The following PEMT variants were observed in gnomAD, a reference collection of about 807,000 sequenced individuals.
The protein encoded by PEMT is phospholipid methyltransferase.
In PEMT, 23 loss-of-function variants were observed where a neutral mutation model predicts 27.4. That is an observed-to-expected ratio of 0.84 (90% CI 0.60 to 1.19). The LOEUF (loss-of-function observed/expected upper bound fraction) is 1.19, where lower values mean the gene tolerates loss of function less well. Ranked by LOEUF, PEMT falls within the 50% of genes most tolerant of loss-of-function variation. PEMT has a pLI of 0.00. For synonymous variants in PEMT, 137 were observed against 139.1 expected (o/e 0.98, Z 0.11); for missense variants, 307 against 310.1 (o/e 0.99, Z 0.07).
intron 1 of PEMT, among the ~76,000 whole-genome samples, chr17:17,591,244 T>A (rs7212727): frequency 0.012 from 1,886 of 151,600 alleles, 50 homozygotes; most frequent in African/African-American, 0.044. Flanking sequence ...AACCTCTGAG[T>A]CTCACACAAT....
At chr17:17,575,308 C>G (rs1191364683) in intron 2 of PEMT, among the ~76,000 whole-genome samples, 2 of 152,222 alleles carry the variant, frequency 1.3e-5, no homozygotes, top group Non-Finnish European at 2.9e-5. Context: ...TTAGGGCCCA[C>G]CTGGGTAACT....
Position 17,510,681 on chromosome 17 carries a change from G to A in PEMT, c.467-1136C>T, listed in dbSNP as rs70965404. Among the ~76,000 whole-genome samples, 1,034 of 152,320 alleles carry A rather than the reference G, an allele frequency of 6.8e-3. 8 individuals carry two copies. The highest frequency in any genetic ancestry group is 0.024 in the African/African-American group (993 of 41,574). Reference sequence around the variant, plus strand: ...CGCTGCTGGTCCTCGGTGTTTCTAGGCCATGTCTGCTGGCAGGGCCGCCAG... The same window carrying A: ...CGCTGCTGGTCCTCGGTGTTTCTAGACCATGTCTGCTGGCAGGGCCGCCAG... On this transcript the variant is annotated intron_variant, in intron 4 of 6. Transcript: ENST00000255389.
intron 6 of PEMT, 86 bp downstream of exon 6, chr17:17,506,141 C>T: frequency 3.3e-6 from 4 of 1,208,910 alleles, no homozygotes; most frequent in Non-Finnish European, 4.7e-6. Context: ...TGTCCTGAGC[C>T]TGCCCTGGCC....
At chr17:17,549,327 C>T (rs1909484056) in intron 2 of PEMT, among the ~76,000 whole-genome samples, 1 of 152,124 alleles carries the variant, frequency 6.6e-6, no homozygotes, top group African/African-American at 2.4e-5. Context: ...GTAGCTGGGA[C>T]TACAGGCACA....
chr17:17,581,098 T>C (rs1911948378), intron 1 of PEMT, among the ~76,000 whole-genome samples: 1 of 152,098 alleles, frequency 6.6e-6, no homozygotes, highest in Admixed American at 6.5e-5. Flanking sequence ...GAAAAACACT[T>C]CCCATATCAC....
At chr17:17,515,413 C>T (rs1489074132) in intron 3 of PEMT, among the ~76,000 whole-genome samples, 4 of 152,202 alleles carry the variant, frequency 2.6e-5, no homozygotes, top group African/African-American at 7.2e-5. Flanking sequence ...CCAGACCTGA[C>T]CCTCAGTCCC....
chr17:17,570,508 A>G (rs1257099315), intron 2 of PEMT: 11 of 985,228 alleles, frequency 1.1e-5, no homozygotes, highest in Non-Finnish European at 1.2e-5. Context: ...AAAGTCAGCA[A>G]CCCTGAGTCA....
chr17:17,521,814 G>A (rs1907286012), intron 3 of PEMT, among the ~76,000 whole-genome samples: 1 of 152,054 alleles, frequency 6.6e-6, no homozygotes, highest in Admixed American at 6.5e-5. Context: ...TGATCCACCC[G>A]CCTCGGCCTC....
chr17:17,539,878 G>C (rs899373479), intron 2 of PEMT, among the ~76,000 whole-genome samples: 4 of 152,230 alleles, frequency 2.6e-5, no homozygotes, highest in African/African-American at 4.8e-5. Flanking sequence ...TCTCTCAGGA[G>C]CGTGGGCAGG....
intron 2 of PEMT, among the ~76,000 whole-genome samples, chr17:17,536,768 T>C (rs546422619): frequency 6.6e-6 from 1 of 152,316 alleles, no homozygotes; most frequent in African/African-American, 2.4e-5. Context: ...GCTCCCTGCA[T>C]CCACTGAAAT....
chr17:17,564,190 G>T (rs929551675), intron 2 of PEMT, among the ~76,000 whole-genome samples: 1 of 152,176 alleles, frequency 6.6e-6, no homozygotes, highest in Admixed American at 6.5e-5. Flanking sequence ...TTGGGCCGTG[G>T]TGGCGGCACT....
intron 2 of PEMT, among the ~76,000 whole-genome samples, chr17:17,543,177 A>C (rs1296108712): frequency 2.0e-5 from 3 of 152,186 alleles, no homozygotes; most frequent in Non-Finnish European, 4.4e-5. Flanking sequence ...GTCGTGTCCT[A>C]CAGAGTCCTG....
chr17:17,591,823 G>C (rs895377874), upstream of PEMT: 1 of 1,403,850 alleles, frequency 7.1e-7, no homozygotes, highest in Non-Finnish European at 9.2e-7. Flanking sequence ...ACAGCGTCTA[G>C]AGGAGCCGAG....
At chr17:17,528,273 G>GC (rs1204628506) in intron 2 of PEMT, among the ~76,000 whole-genome samples, 1 of 152,126 alleles carries the variant, frequency 6.6e-6, no homozygotes, top group Non-Finnish European at 1.5e-5. Context: ...TGCCTGACTG[G>GC]CCCCCTTTCC....
intron 2 of PEMT, among the ~76,000 whole-genome samples, chr17:17,552,072 C>T (rs1336368572): frequency 2.0e-5 from 3 of 152,210 alleles, no homozygotes; most frequent in East Asian, 1.9e-4. Context: ...CACGGTGGTG[C>T]GTGCCTGTAA....
rs999211915 is a variant in PEMT at position 17,512,618 on chromosome 17, C to T, written c.357G>A (p.Glu119=). Reference sequence around the variant, plus strand: ...TGTAGGCCGCGGGGGTGTCCAGGCTCTCCATCCTGGGCTGGCTCAGCATGG... The same window carrying T: ...TGTAGGCCGCGGGGGTGTCCAGGCTTTCCATCCTGGGCTGGCTCAGCATGG... ...TQAMLSQPRM[E]SLDTPAAYSL... is the part of the protein sequence containing the mutation. Residue 119 remains glutamate, a synonymous_variant, in exon 4 of 7, where the codon GAG becomes GAA. Coordinates refer to ENST00000255389, the MANE Select transcript of PEMT (RefSeq NM_148172.3). This position sits in a 1 kb window ranked among gnomAD's most constrained non-coding sequence, Gnocchi z 6.3. 1 of 1,591,850 alleles carries T rather than the reference C, an allele frequency of 6.3e-7. No homozygotes were observed. The highest frequency in any genetic ancestry group is 8.6e-7 in the Non-Finnish European group (1 of 1,167,852).
rs549934854 is a variant in PEMT at position 17,580,518 on chromosome 17, G to A, written c.97-3491C>T. On this transcript the variant is annotated intron_variant, in intron 1 of 6. Coordinates refer to ENST00000255389, the MANE Select transcript of PEMT (RefSeq NM_148172.3). ...CAAAAAACACGCATCCAATTCCAAG[G>A]CCCTGTCCCTTGACAGCCTGGTGGG... Among the ~76,000 whole-genome samples, 220 of 152,228 alleles carry A rather than the reference G, an allele frequency of 1.4e-3. 1 individual carries two copies. Among genetic ancestry groups the A allele is most frequent in the Middle Eastern group, 6.8e-3 (2 of 292 alleles).
intron 2 of PEMT, among the ~76,000 whole-genome samples, chr17:17,574,557 G>A (rs926306555): frequency 4.6e-5 from 7 of 152,240 alleles, no homozygotes; most frequent in South Asian, 2.1e-4. Flanking sequence ...CTGACCTCAG[G>A]TGATCCACCC....
intron 2 of PEMT, among the ~76,000 whole-genome samples, chr17:17,538,295 C>G (rs1186373952): frequency 6.6e-6 from 1 of 152,230 alleles, no homozygotes; most frequent in Non-Finnish European, 1.5e-5. Flanking sequence ...AGGACAGAGG[C>G]AGTATTGTGC....
Sources: gnomAD v4.1 joint callset for allele counts (sites outside exome capture counted in the v4.1 genomes callset) on GRCh38, gnomAD v4.1.1 for gene constraint, Gnocchi (gnomAD v3.1) non-coding constraint, MANE v1.5 for transcripts, NCBI Gene and HGNC (gene_info 2026-07-23, HGNC 2026-07-21) for gene names.